Variants in TTLL11 observed in about 807,000 individuals in gnomAD.
The protein encoded by TTLL11 is tubulin polyglutamylase TTLL11.
A neutral mutation model predicts 51.7 loss-of-function variants in TTLL11; 42 were observed. The ratio of observed to expected loss-of-function variants is 0.81; its 90% CI spans 0.64 to 1.05. TTLL11 has a LOEUF of 1.05. Ranked by LOEUF, TTLL11 falls within the 50% of genes least tolerant of loss-of-function variation. The pLI, the probability that TTLL11 is intolerant of heterozygous loss-of-function variation, is 0.00. For synonymous variants in TTLL11, 381 were observed against 383.5 expected (o/e 0.99, Z 0.08); for missense variants, 799 against 940.4 (o/e 0.85, Z 1.97).
intron 6 of TTLL11, among the ~76,000 whole-genome samples, chr9:121,879,099 G>C (rs1407770376): frequency 6.6e-6 from 1 of 152,208 alleles, no homozygotes; most frequent in Non-Finnish European, 1.5e-5. Flanking sequence ...GATTAGCAGA[G>C]AAGATGGACA....
Position 122,093,164 on chromosome 9 carries a change from GGCCAGT to G in TTLL11, c.-22_-17del, listed in dbSNP as rs765845424. On this transcript the variant is annotated 5_prime_UTR_variant, in exon 1 of 9. Transcript: ENST00000321582. ...CCCGCCGCATGGTGCTCAGGGCCGG[GGCCAGT>G]GCCAGTGCCACCGCCGCCGCCGCCG... 6.7e-7 allele frequency: 1 copy of G among 1,495,100 alleles called. No individual in the cohort carries two copies. Among genetic ancestry groups the G allele is most frequent in the Non-Finnish European group, 8.9e-7 (1 of 1,129,764 alleles). The allele number at this position is 1,495,100 out of a possible 1,614,324, so 92.6% of individuals were successfully genotyped here. A position where few individuals can be genotyped will look rare whatever the true frequency, so the allele number is the denominator to read the frequency against.
At chr9:121,841,788 C>G (rs1837357573) in intron 8 of TTLL11, among the ~76,000 whole-genome samples, 1 of 152,062 alleles carries the variant, frequency 6.6e-6, no homozygotes, top group Non-Finnish European at 1.5e-5. Context: ...TGTCTAGCAG[C>G]AGCCGTCGGC....
intron 7 of TTLL11, among the ~76,000 whole-genome samples, chr9:121,861,328 C>T (rs1424691589): frequency 2.6e-5 from 4 of 152,166 alleles, no homozygotes; most frequent in East Asian, 1.9e-4. Context: ...CCGCCCGCCT[C>T]GGCCTCCCCA....
intron 6 of TTLL11, among the ~76,000 whole-genome samples, chr9:121,918,352 C>T (rs879703496): frequency 5.9e-5 from 9 of 152,152 alleles, no homozygotes; most frequent in Admixed American, 2.6e-4. Context: ...GGGGAGATTT[C>T]GATGCCACTG....
At chr9:121,863,235 C>T (rs543583954) in intron 7 of TTLL11, among the ~76,000 whole-genome samples, 39 of 152,290 alleles carry the variant, frequency 2.6e-4, no homozygotes, top group Non-Finnish European at 4.6e-4. Flanking sequence ...GTCACCAAGA[C>T]GGCTATCTAC....
intron 8 of TTLL11, among the ~76,000 whole-genome samples, chr9:121,854,090 C>T (rs116414701): frequency 0.014 from 2,164 of 152,216 alleles, 23 homozygotes; most frequent in African/African-American, 0.033. Flanking sequence ...ACCTGATGAA[C>T]TTGAGGCTTG....
At chr9:122,027,845 T>C (rs1231499933) in intron 3 of TTLL11, among the ~76,000 whole-genome samples, 1 of 152,198 alleles carries the variant, frequency 6.6e-6, no homozygotes, top group African/African-American at 2.4e-5. Flanking sequence ...AAATAGTAAA[T>C]ACATGAGTGA....
At chr9:122,030,201 T>TTG (rs1031129768) in intron 3 of TTLL11, among the ~76,000 whole-genome samples, 1 of 72,294 alleles carries the variant, frequency 1.4e-5, no homozygotes, top group Admixed American at 1.6e-4. Context: ...AAGAGAGACA[T>TTG]TGGGGGGGGG....
chr9:121,855,559 T>C (rs12375939), intron 8 of TTLL11, among the ~76,000 whole-genome samples: 78,728 of 151,948 alleles, frequency 0.52, 21,177 homozygotes, highest in East Asian at 0.72. Context: ...AAGGTCTGGC[T>C]GGCTGCGGGA....
At chr9:122,038,002 C>A (rs921749781) in intron 2 of TTLL11, among the ~76,000 whole-genome samples, 1 of 152,120 alleles carries the variant, frequency 6.6e-6, no homozygotes. Flanking sequence ...TAAATTGATT[C>A]TCCCTTTAAA....
Position 122,023,560 on chromosome 9 carries a change from A to G in TTLL11, c.693+8163T>C, listed in dbSNP as rs533194028. On this transcript the variant is annotated intron_variant, in intron 3 of 8. Transcript: ENST00000321582. ...CAAATAAAGAACATTTTAGTAAATC[A>G]AAATTCCACAATATATAAAAAGGAT... 2.0e-5 allele frequency among the ~76,000 whole-genome samples: 3 copies of G among 152,182 alleles called. No individual in the cohort carries two copies. The South Asian group carries it at 6.2e-4, about 31-fold the overall frequency.
intron 6 of TTLL11, among the ~76,000 whole-genome samples, chr9:121,879,604 T>C (rs969454645): frequency 6.6e-6 from 1 of 152,172 alleles, no homozygotes; most frequent in African/African-American, 2.4e-5. Flanking sequence ...AGGTGAGGCA[T>C]CACACAGGGG....
chr9:121,885,822 G>A (rs536145630), intron 6 of TTLL11, among the ~76,000 whole-genome samples: 137 of 152,246 alleles, frequency 9.0e-4, no homozygotes, highest in Non-Finnish European at 1.6e-3. Flanking sequence ...CCAAACTCCT[G>A]GCCTCATGCA....
rs571642209 is a variant in TTLL11 at position 122,048,534 on chromosome 9, C to T, written c.463-9166G>A. The stretch of plus-strand genomic sequence containing the variant: ...TTGCTACAACTCTTCAATGCCTCCC[C>T]GTGGACCGACCACAGGATCAAGGCT... On this transcript the variant is annotated intron_variant, in intron 1 of 8. Transcript: ENST00000321582. Among the ~76,000 whole-genome samples, 6 of 152,262 alleles carry T rather than the reference C, an allele frequency of 3.9e-5. 1 individual carries two copies. The South Asian group carries it at 1.0e-3, about 26-fold the overall frequency.
intron 7 of TTLL11, among the ~76,000 whole-genome samples, chr9:121,870,019 C>G (rs1411943847): frequency 6.6e-6 from 1 of 152,148 alleles, no homozygotes; most frequent in East Asian, 1.9e-4. Context: ...TATGGCCATG[C>G]TATTTTTATA....
At chr9:122,087,456 A>G (rs2131937972) in intron 1 of TTLL11, among the ~76,000 whole-genome samples, 1 of 152,350 alleles carries the variant, frequency 6.6e-6, no homozygotes, top group Admixed American at 6.5e-5. Flanking sequence ...TACTTGTTCT[A>G]AAGAAAGGCT....
intron 1 of TTLL11, among the ~76,000 whole-genome samples, chr9:122,046,998 G>C (rs1433998967): frequency 6.6e-6 from 1 of 152,166 alleles, no homozygotes; most frequent in Non-Finnish European, 1.5e-5. Context: ...GGTCCATGGG[G>C]GAGAAGATGA....
intron 6 of TTLL11, among the ~76,000 whole-genome samples, chr9:121,939,909 A>G (rs1013718570): frequency 1.3e-5 from 2 of 152,148 alleles, no homozygotes; most frequent in Non-Finnish European, 2.9e-5. Context: ...GGATGAAGGC[A>G]GCAGAAGGCA....
intron 6 of TTLL11, among the ~76,000 whole-genome samples, chr9:121,936,112 TGAGAGGAAGGA>T (rs1336608089): frequency 6.6e-6 from 1 of 151,804 alleles, no homozygotes; most frequent in Non-Finnish European, 1.5e-5. Flanking sequence ...GAATGGTAGA[TGAGAGGAAGGA>T]GAGAGGAAGA....
Sources: gnomAD v4.1 joint callset for allele counts (sites outside exome capture counted in the v4.1 genomes callset) on GRCh38, gnomAD v4.1.1 for gene constraint, MANE v1.5 for transcripts, NCBI Gene and HGNC (gene_info 2026-07-23, HGNC 2026-07-21) for gene names.